CSMD3: variants seen among roughly 807,000 people sequenced by gnomAD.
CSMD3 encodes CUB and sushi domain-containing protein 3.
Under a neutral mutation model 435.2 loss-of-function variants are expected in CSMD3, and 177 were observed. That is an observed-to-expected ratio of 0.41 (90% confidence interval 0.36 to 0.46). The LOEUF (loss-of-function observed/expected upper bound fraction) is 0.46, where lower values mean the gene tolerates loss of function less well. Ranked by LOEUF, CSMD3 falls within the 20% of genes least tolerant of loss-of-function variation. The pLI is 0.34. For missense variants in CSMD3, 4,265 were observed against 4,504.6 expected, an observed-to-expected ratio of 0.95 and a Z score of 1.52; for synonymous variants, 1,656 against 1,520.5, an observed-to-expected ratio of 1.09 and a Z score of -2.07.
chr8:112,983,358 T>C (rs2085122489), intron 6 of CSMD3, among the ~76,000 whole-genome samples: 2 of 151,746 alleles, frequency 1.3e-5, no homozygotes, highest in Non-Finnish European at 2.9e-5. Context: ...TAATTGTAGA[T>C]GTTCTTTAAT....
chr8:112,256,282 A>G (rs1015461861), intron 61 of CSMD3, among the ~76,000 whole-genome samples: 1 of 149,078 alleles, frequency 6.7e-6, no homozygotes, highest in African/African-American at 2.4e-5. Context: ...TAGTATGTGA[A>G]AAAGTGGTAA....
At chr8:113,226,201 T>G (rs1337654791) in intron 3 of CSMD3, among the ~76,000 whole-genome samples, 1 of 151,534 alleles carries the variant, frequency 6.6e-6, no homozygotes, top group East Asian at 1.9e-4. Context: ...TATAATGTTA[T>G]TATAGTGGCT....
chr8:112,247,530 C>T (rs537133317), intron 63 of CSMD3, among the ~76,000 whole-genome samples: 121 of 152,102 alleles, frequency 8.0e-4, no homozygotes, highest in African/African-American at 2.8e-3. Flanking sequence ...TAGCTAACCA[C>T]ATAAGAAACA....
intron 32 of CSMD3, among the ~76,000 whole-genome samples, chr8:112,435,294 G>C (rs1056408133): frequency 6.6e-6 from 1 of 152,014 alleles, no homozygotes; most frequent in African/African-American, 2.4e-5. Context: ...AAAACAACAA[G>C]AATAAGGCAA....
rs773186367 is a variant in CSMD3 at position 112,263,673 on chromosome 8, A to T, written c.9828T>A (p.Asn3276Lys). ...GCGGTACTTCACCACTCCAGGTACC[A>T]TTCCCTACACAGGTCAAAACAGCAG... ...SFPAVLTCVG[N>K]GTWSGEVPQC... The change falls in exon 61 of 71, where the codon AAT becomes AAA. Residue 3276 changes from asparagine (N) to lysine (K), a missense_variant. Asn to Lys is a moderately conservative substitution (Grantham distance 94). Coordinates refer to ENST00000297405, the MANE Select transcript of CSMD3 (RefSeq NM_198123.2). 6.2e-6 allele frequency: 10 copies of T among 1,613,662 alleles called. No homozygotes were observed. The highest frequency in any genetic ancestry group is 8.5e-6 in the Non-Finnish European group (10 of 1,179,734).
At chr8:112,733,209 T>C (rs117277263) in intron 13 of CSMD3, among the ~76,000 whole-genome samples, 2,245 of 152,190 alleles carry the variant, frequency 0.015, 21 homozygotes, top group Middle Eastern at 0.031. Flanking sequence ...GGCTTCCCCC[T>C]TATTCAACAA....
chr8:112,998,170 G>A (rs554750382), intron 6 of CSMD3, among the ~76,000 whole-genome samples: 2 of 151,664 alleles, frequency 1.3e-5, no homozygotes, highest in East Asian at 3.9e-4. Context: ...ATTATTCCTT[G>A]AGAATAATTT....
At chr8:112,511,070 A>G (rs2130954023) in intron 28 of CSMD3, among the ~76,000 whole-genome samples, 1 of 152,306 alleles carries the variant, frequency 6.6e-6, no homozygotes, top group East Asian at 1.9e-4. Context: ...TTGCAGTTTC[A>G]GTTTCAGACC....
rs765623187 is a variant in CSMD3, at chr8:112,390,813, G to A, written c.5810-25C>T. 5 of 1,609,174 alleles carry A rather than the reference G, an allele frequency of 3.1e-6. No homozygotes were observed. The East Asian group carries it at 8.9e-5, about 29-fold the overall frequency. On this transcript the variant is annotated intron_variant, in intron 35 of 70. Transcript: ENST00000297405. ...ACTGAAAATAAAGCAGTCCAAGAGAGGGAGTTAATTCTAATGCAAAGGATT... is the reference window on the plus strand; with the variant it reads ...ACTGAAAATAAAGCAGTCCAAGAGAAGGAGTTAATTCTAATGCAAAGGATT...
chr8:112,324,686 T>C (rs1823329383), intron 45 of CSMD3, among the ~76,000 whole-genome samples: 1 of 151,958 alleles, frequency 6.6e-6, no homozygotes, highest in Admixed American at 6.6e-5. Flanking sequence ...GACAGGATTG[T>C]ACAAGTTATA....
chr8:112,541,722 CG>C (rs1291318977), intron 27 of CSMD3, among the ~76,000 whole-genome samples: 4 of 151,668 alleles, frequency 2.6e-5, no homozygotes, highest in Non-Finnish European at 5.9e-5. Flanking sequence ...CACCAACCCC[CG>C]CAAATTGAAA....
At chr8:112,630,232 T>TAATAAAAATC (rs1314939075) in intron 22 of CSMD3, among the ~76,000 whole-genome samples, 2 of 152,126 alleles carry the variant, frequency 1.3e-5, no homozygotes, top group Admixed American at 6.6e-5. Context: ...TGGTAATCTA[T>TAATAAAAATC]TACTCATCAA....
At chr8:112,331,715 T>C (rs1044207005) in intron 45 of CSMD3, among the ~76,000 whole-genome samples, 1 of 151,970 alleles carries the variant, frequency 6.6e-6, no homozygotes, top group Non-Finnish European at 1.5e-5. Flanking sequence ...TTCTGAATTA[T>C]AAAGCAAGGT....
At chr8:113,376,362 G>C (rs1006413390) in intron 1 of CSMD3, among the ~76,000 whole-genome samples, 3 of 151,846 alleles carry the variant, frequency 2.0e-5, no homozygotes, top group African/African-American at 7.3e-5. Context: ...GTATTTAAAA[G>C]TAAATACATG....
rs151097936 is a variant in CSMD3, at chr8:112,569,292, A to C, written c.4042+4209T>G. 3.5e-3 allele frequency among the ~76,000 whole-genome samples: 526 copies of C among 152,230 alleles called. 3 individuals are homozygous for C. Among genetic ancestry groups the C allele is most frequent in the African/African-American group, 0.012 (510 of 41,538 alleles). On this transcript the variant is annotated intron_variant, in intron 24 of 70. Transcript: ENST00000297405. ...GCCACAGCAGAAAGACAGGAGCAAA[A>C]TCCTTGTTGATCTTGTTAAGTAGTT... is the stretch of plus-strand genomic sequence containing the variant.
At chr8:113,163,046 A>G (rs562809516) in intron 4 of CSMD3, among the ~76,000 whole-genome samples, 3 of 152,260 alleles carry the variant, frequency 2.0e-5, no homozygotes, top group South Asian at 2.1e-4. Flanking sequence ...AGCAATAGCT[A>G]TTGACCTCTT....
At chr8:113,269,241 C>A (rs2093498218) in intron 3 of CSMD3, among the ~76,000 whole-genome samples, 1 of 152,028 alleles carries the variant, frequency 6.6e-6, no homozygotes, top group South Asian at 2.1e-4. Flanking sequence ...ACCTAGGAAT[C>A]TAACTTACAA....
At chr8:113,098,495 G>A (rs1588069801) in intron 5 of CSMD3, 1 of 445,778 alleles carries the variant, frequency 2.2e-6, no homozygotes, top group East Asian at 4.4e-5. Flanking sequence ...ATCAAGTTTG[G>A]ACTGGCATGC....
At chr8:113,391,615 T>C (rs532769167) in intron 1 of CSMD3, among the ~76,000 whole-genome samples, 3 of 152,026 alleles carry the variant, frequency 2.0e-5, no homozygotes, top group Non-Finnish European at 4.4e-5. Flanking sequence ...CATAAAATAC[T>C]GCGTAATGGT....
Sources: gnomAD v4.1 joint callset for allele counts (sites outside exome capture counted in the v4.1 genomes callset) on GRCh38, gnomAD v4.1.1 for gene constraint, MANE v1.5 for transcripts, NCBI Gene and HGNC (gene_info 2026-07-23, HGNC 2026-07-21) for gene names.